MICAL2: variants seen among roughly 807,000 people sequenced by gnomAD.
The protein encoded by MICAL2 is [F-actin]-monooxygenase MICAL2.
A neutral mutation model predicts 127.3 loss-of-function variants in MICAL2; 77 were observed. The observed-to-expected ratio is 0.60, with a 90% confidence interval of 0.50 to 0.73. The LOEUF is 0.73. MICAL2 is among the 30% of genes least tolerant of loss of function. MICAL2 has a pLI of 0.00. For missense variants in MICAL2, 1,351 were observed against 1,434.4 expected (o/e 0.94, Z 0.94); for synonymous variants, 570 against 551.1 (o/e 1.03, Z -0.48).
chr11:12,254,826 A>T (rs893499435), intron 22 of MICAL2: 1 of 152,126 alleles, frequency 6.6e-6, no homozygotes, highest in Non-Finnish European at 1.5e-5. Context: ...ACCCAGGACT[A>T]AAAGGCTTTT....
At chr11:12,148,818 C>T (rs1386460429) in intron 2 of MICAL2, among the ~76,000 whole-genome samples, 4 of 113,568 alleles carry the variant, frequency 3.5e-5, no homozygotes, top group East Asian at 2.0e-3. Context: ...GAAAAGGGGG[C>T]CCAGGGAGGG....
In MICAL2 at chr11:12,327,344, C is replaced by T. The variant is rs1179029709; in HGVS notation, c.5515+78C>T. The T allele has an allele frequency of 7.6e-6, 9 of 1,186,024 alleles. No homozygotes were observed. In the Middle Eastern group the frequency reaches 8.7e-4, roughly 114 times the overall value. 73.5% of individuals were successfully genotyped at this position (1,186,024 alleles called of 1,614,324 possible). A position where few individuals can be genotyped will look rare whatever the true frequency, so the allele number is the denominator to read the frequency against. ...AGCGTAACCATCTGAGGAAAACAGA[C>T]CTTGTCACCTGCTGGAGATCTGTCA... On this transcript the variant is annotated intron_variant, in intron 32 of 34. Transcript: ENST00000646065.
chr11:12,315,910 T>C (rs1033053347), intron 29 of MICAL2, among the ~76,000 whole-genome samples: 19 of 152,328 alleles, frequency 1.2e-4, no homozygotes, highest in Middle Eastern at 3.4e-3. Flanking sequence ...TTTGGAGCTC[T>C]GTAATTAATT....
chr11:12,203,649 T>C lies in MICAL2; in HGVS notation c.265-601T>C, dbSNP rs111474914. 5.8e-3 allele frequency among the ~76,000 whole-genome samples: 886 copies of C among 152,340 alleles called. 14 individuals carry two copies. Among genetic ancestry groups the C allele is most frequent in the African/African-American group, 0.021 (853 of 41,574 alleles). On this transcript the variant is annotated intron_variant, in intron 3 of 27. Coordinates refer to ENST00000683283, the MANE Select transcript of MICAL2 (RefSeq NM_001282663.2). ...TTGAGTTGTGAACATCCTTTATATG[T>C]TTTGGATACAGGTCCCATATCAGAT...
At chr11:12,280,838 G>A in intron 1 of MICAL2, 1 of 397,896 alleles carries the variant, frequency 2.5e-6, no homozygotes, top group Non-Finnish European at 4.4e-6. Flanking sequence ...CCCCCCAGGT[G>A]CGCTGGAGCA....
chr11:12,191,317 G>A (rs1045780209), intron 3 of MICAL2, among the ~76,000 whole-genome samples: 2 of 151,120 alleles, frequency 1.3e-5, no homozygotes, highest in Non-Finnish European at 2.9e-5. Flanking sequence ...AAAAAAAATA[G>A]AAAAATTAGC....
intron 6 of MICAL2, among the ~76,000 whole-genome samples, chr11:12,211,050 T>G (rs1855393695): frequency 6.6e-6 from 1 of 152,202 alleles, no homozygotes; most frequent in Admixed American, 6.5e-5. Flanking sequence ...AAAGGTCTAA[T>G]GAAGGACAAC....
intron 24 of MICAL2, among the ~76,000 whole-genome samples, chr11:12,270,912 A>G (rs1863667223): frequency 6.6e-6 from 1 of 152,212 alleles, no homozygotes; most frequent in African/African-American, 2.4e-5. Flanking sequence ...AGTAGAAAGC[A>G]GCAGCAATTT....
At chr11:12,150,251 G>C (rs1853422332) in intron 2 of MICAL2, among the ~76,000 whole-genome samples, 2 of 152,124 alleles carry the variant, frequency 1.3e-5, no homozygotes, top group South Asian at 4.1e-4. Context: ...ACAAATCAGA[G>C]AAACAAAAAT....
intron 32 of MICAL2, among the ~76,000 whole-genome samples, chr11:12,345,933 G>A (rs543007600): frequency 6.6e-6 from 1 of 152,204 alleles, no homozygotes; most frequent in Non-Finnish European, 1.5e-5. Context: ...CGATCTGGAG[G>A]CGCTGTGAAA....
In MICAL2 at chr11:12,241,618, C is replaced by A. The variant is rs1859973065; in HGVS notation, c.2337+456C>A. Among the ~76,000 whole-genome samples the A allele has an allele frequency of 3.9e-5, 6 of 152,342 alleles. No homozygotes were observed. The South Asian group carries it at 1.2e-3, about 32-fold the overall frequency. On this transcript the variant is annotated intron_variant, in intron 18 of 27. Transcript: ENST00000683283. ...CGGTGCCAGAGTAGCTGAGGACCTG[C>A]ATAGCGGGCGGGAAGGCAGCTGGCA...
chr11:12,289,318 G>A (rs1424067016), downstream of MICAL2, among the ~76,000 whole-genome samples: 2 of 152,230 alleles, frequency 1.3e-5, no homozygotes, highest in Non-Finnish European at 2.9e-5. Context: ...CCATACCAAG[G>A]TTTCAAGGAA....
intron 6 of MICAL2, among the ~76,000 whole-genome samples, chr11:12,211,654 G>C (rs1855486729): frequency 1.3e-5 from 2 of 152,194 alleles, no homozygotes; most frequent in Non-Finnish European, 2.9e-5. Flanking sequence ...ACACACTGTT[G>C]AAAAGTGGCC....
At chr11:12,298,974 A>T (rs1267593609) in intron 29 of MICAL2, among the ~76,000 whole-genome samples, 1 of 152,154 alleles carries the variant, frequency 6.6e-6, no homozygotes, top group Non-Finnish European at 1.5e-5. Context: ...CAGTTCATTG[A>T]TATCACTTTT....
intron 3 of MICAL2, among the ~76,000 whole-genome samples, chr11:12,194,881 A>G (rs912663736): frequency 1.3e-5 from 2 of 152,232 alleles, no homozygotes; most frequent in Non-Finnish European, 2.9e-5. Flanking sequence ...TTCACATCAA[A>G]TGATATGTTT....
intron 1 of MICAL2, among the ~76,000 whole-genome samples, chr11:12,130,813 A>G (rs1437367710): frequency 6.6e-6 from 1 of 152,206 alleles, no homozygotes; most frequent in Non-Finnish European, 1.5e-5. Flanking sequence ...AAGGCCTGGC[A>G]GGTCTGCAGA....
chr11:12,129,580 G>A (rs1332132314), intron 1 of MICAL2, among the ~76,000 whole-genome samples: 1 of 148,932 alleles, frequency 6.7e-6, no homozygotes, highest in Non-Finnish European at 1.5e-5. Flanking sequence ...CTGGGAGGAG[G>A]TCATGTGGTG....
chr11:12,195,810 T>G (rs145158688), intron 3 of MICAL2: 1 of 151,688 alleles, frequency 6.6e-6, no homozygotes, highest in Non-Finnish European at 1.5e-5. Flanking sequence ...GTGGGCTCAG[T>G]GAAGCTAGTA....
Position 12,354,470 on chromosome 11 carries a change from TC to T in MICAL2, c.5616-312del, listed in dbSNP as rs1215739528. Among the ~76,000 whole-genome samples, 138 of 46,542 alleles carry T rather than the reference TC, an allele frequency of 3.0e-3. 1 individual carries two copies. The East Asian group carries it at 0.036, about 12-fold the overall frequency. The allele number at this position is 46,542 out of a possible 152,430, so 30.5% of individuals were successfully genotyped here. A position where few individuals can be genotyped will look rare whatever the true frequency, so the allele number is the denominator to read the frequency against. ...CTGGGTGACAAGAGCAAACTCTGTC[TC>T]CAAAAAAAAAAAAAAAATTAGCCAG... On this transcript the variant is annotated intron_variant, in intron 33 of 34. Transcript: ENST00000646065.
Sources: gnomAD v4.1 joint callset for allele counts (sites outside exome capture counted in the v4.1 genomes callset) on GRCh38, gnomAD v4.1.1 for gene constraint, MANE v1.5 for transcripts, NCBI Gene and HGNC (gene_info 2026-07-23, HGNC 2026-07-21) for gene names.